The following KCND2 variants were observed in gnomAD, a reference collection of about 807,000 sequenced individuals.
The protein encoded by KCND2 is potassium voltage-gated channel subfamily D member 2.
In KCND2, 16 loss-of-function variants were observed where a neutral mutation model predicts 54.4. The observed-to-expected ratio is 0.29, with a 90% CI of 0.20 to 0.45. KCND2 has a LOEUF of 0.45. Ranked by LOEUF, KCND2 falls within the 20% of genes least tolerant of loss-of-function variation. The pLI is 1.00. For missense variants in KCND2, 486 were observed against 824.2 expected (o/e 0.59, Z 5.02); for synonymous variants, 317 against 310.7 (o/e 1.02, Z -0.21).
chr7:120,589,936 G>C, intron 1 of KCND2, among the ~76,000 whole-genome samples: 1 of 152,184 alleles, frequency 6.6e-6, no homozygotes, highest in Non-Finnish European at 1.5e-5. Flanking sequence ...CTTTCAGTCA[G>C]AAACAGAGCT....
At chr7:120,704,758 T>C (rs1192118741) in intron 1 of KCND2, among the ~76,000 whole-genome samples, 1 of 152,144 alleles carries the variant, frequency 6.6e-6, no homozygotes, top group African/African-American at 2.4e-5. Context: ...TGTTTTGCCT[T>C]TTATCATTGG....
chr7:120,394,568 G>T (rs1452870616), intron 1 of KCND2, among the ~76,000 whole-genome samples: 1 of 151,868 alleles, frequency 6.6e-6, no homozygotes, highest in Non-Finnish European at 1.5e-5. Flanking sequence ...CTAATCTTGT[G>T]GCCTTTCATT....
chr7:120,714,208 T>G (rs1792575175), intron 1 of KCND2, among the ~76,000 whole-genome samples: 2 of 152,282 alleles, frequency 1.3e-5, no homozygotes, highest in African/African-American at 2.4e-5. Flanking sequence ...CATCTTTTTA[T>G]GTGCTTCCAT....
chr7:120,701,644 AG>A (rs1347986736), intron 1 of KCND2, among the ~76,000 whole-genome samples: 1 of 152,134 alleles, frequency 6.6e-6, no homozygotes, highest in Non-Finnish European at 1.5e-5. Context: ...CCAGAAATAA[AG>A]CCACACACCT....
At chr7:120,320,698 T>A (rs149628148) in intron 1 of KCND2, among the ~76,000 whole-genome samples, 1 of 152,138 alleles carries the variant, frequency 6.6e-6, no homozygotes, top group African/African-American at 2.4e-5. Flanking sequence ...AGTGAAGATG[T>A]AGTAAAGAAG....
intron 1 of KCND2, among the ~76,000 whole-genome samples, chr7:120,350,356 A>G (rs1455531274): frequency 6.6e-6 from 1 of 152,144 alleles, no homozygotes; most frequent in African/African-American, 2.4e-5. Flanking sequence ...TAATTTTCCT[A>G]CATTTCTTAT....
In KCND2 at chr7:120,274,262, T is replaced by A. The variant is rs73429955; in HGVS notation, c.-371T>A. Reference sequence around the variant, plus strand: ...TATCCTACACTCCACATACTGACCCTATATTATCCAGACTGTGCCGGGGAG... The same window carrying A: ...TATCCTACACTCCACATACTGACCCAATATTATCCAGACTGTGCCGGGGAG... On this transcript the variant is annotated 5_prime_UTR_variant, in exon 1 of 6. Coordinates refer to ENST00000331113, the MANE Select transcript of KCND2 (RefSeq NM_012281.3). The A allele has an allele frequency of 1.1e-5, 4 of 368,272 alleles. No individual in the cohort carries two copies. The highest frequency in any genetic ancestry group is 6.2e-5 in the African/African-American group (3 of 48,258). The allele number at this position is 368,272 out of a possible 1,614,324, so 22.8% of individuals were successfully genotyped here. A position where few individuals can be genotyped will look rare whatever the true frequency, so the allele number is the denominator to read the frequency against.
At chr7:120,664,964 T>C (rs1440989221) in intron 1 of KCND2, among the ~76,000 whole-genome samples, 1 of 152,118 alleles carries the variant, frequency 6.6e-6, no homozygotes, top group Admixed American at 6.6e-5. Flanking sequence ...TTCAGAGATA[T>C]AGCATATTGT....
intron 1 of KCND2, among the ~76,000 whole-genome samples, chr7:120,563,561 T>C (rs992977178): frequency 2.6e-5 from 4 of 152,166 alleles, no homozygotes; most frequent in Non-Finnish European, 4.4e-5. Context: ...GAAATGGAAA[T>C]CAATATCTTC....
rs1246843096 is a variant in KCND2, at chr7:120,749,499, C to T, written c.*1641C>T. 1.3e-5 allele frequency: 2 copies of T among 152,332 alleles called. No homozygotes were observed. The highest frequency in any genetic ancestry group is 1.9e-4 in the East Asian group (1 of 5,182). The allele number at this position is 152,332 out of a possible 1,614,324, so 9.4% of individuals were successfully genotyped here. ...TAAGGAATAAAGCTTAGCTTCTGTA[C>T]ATGGAAAGAGCTAATAATTATCCCT... On this transcript the variant is annotated 3_prime_UTR_variant, in exon 6 of 6. Transcript: ENST00000331113.
intron 1 of KCND2, among the ~76,000 whole-genome samples, chr7:120,692,345 T>C (rs1792280106): frequency 1.3e-5 from 2 of 152,228 alleles, no homozygotes; most frequent in Non-Finnish European, 2.9e-5. Context: ...ACTGTGGTGC[T>C]TGGGGACCAG....
At position 120,480,788 on chromosome 7, in the gene KCND2, T is replaced by C. The variant is rs1434880867; in HGVS notation, c.1115+205041T>C. Among the ~76,000 whole-genome samples, 4 of 152,168 alleles carry C rather than the reference T, an allele frequency of 2.6e-5. No homozygotes were observed. In the East Asian group the frequency reaches 5.8e-4, roughly 22 times the overall value. On this transcript the variant is annotated intron_variant, in intron 1 of 5. Transcript: ENST00000331113. Reference sequence around the variant, plus strand: ...CTTCTGTTCTTTATAAGTTACCCAGTCTGTGATACTCTGTTATAGCAGCAG... The same window carrying C: ...CTTCTGTTCTTTATAAGTTACCCAGCCTGTGATACTCTGTTATAGCAGCAG...
At chr7:120,280,692 A>G (rs1799246774) in intron 1 of KCND2, among the ~76,000 whole-genome samples, 1 of 152,012 alleles carries the variant, frequency 6.6e-6, no homozygotes, top group Non-Finnish European at 1.5e-5. Flanking sequence ...AATTTTGTTC[A>G]TTTAAGAATT....
intron 1 of KCND2, among the ~76,000 whole-genome samples, chr7:120,671,881 T>C (rs1791997640): frequency 6.6e-6 from 1 of 152,154 alleles, no homozygotes. Context: ...CACACAGCAA[T>C]GAACTCATGA....
chr7:120,418,167 G>A (rs1801551772), intron 1 of KCND2, among the ~76,000 whole-genome samples: 1 of 152,116 alleles, frequency 6.6e-6, no homozygotes, highest in African/African-American at 2.4e-5. Flanking sequence ...TATTAAGAGA[G>A]TAGAAGCTTA....
At chr7:120,480,410 T>A (rs1368325743) in intron 1 of KCND2, among the ~76,000 whole-genome samples, 2 of 152,194 alleles carry the variant, frequency 1.3e-5, no homozygotes, top group African/African-American at 2.4e-5. Flanking sequence ...ACTTTAAGGT[T>A]TAAACTGATG....
intron 1 of KCND2, among the ~76,000 whole-genome samples, chr7:120,651,384 TGAG>T (rs1358236008): frequency 6.6e-5 from 10 of 152,054 alleles, no homozygotes; most frequent in African/African-American, 2.4e-4. Context: ...CAGCAATGAG[TGAG>T]GCTCCATGGG....
chr7:120,642,577 A>AATAT (rs200503692), intron 1 of KCND2, among the ~76,000 whole-genome samples: 2 of 148,464 alleles, frequency 1.3e-5, no homozygotes, highest in African/African-American at 2.5e-5. Flanking sequence ...AATAAAAAAA[A>AATAT]ATATATATAT....
At chr7:120,460,580 A>G (rs1052809002) in intron 1 of KCND2, among the ~76,000 whole-genome samples, 1 of 118,774 alleles carries the variant, frequency 8.4e-6, no homozygotes, top group Non-Finnish European at 1.7e-5. Context: ...TTTTTTTTAC[A>G]TTTTAAAATT....
Sources: gnomAD v4.1 joint callset for allele counts (sites outside exome capture counted in the v4.1 genomes callset) on GRCh38, gnomAD v4.1.1 for gene constraint, MANE v1.5 for transcripts, NCBI Gene and HGNC (gene_info 2026-07-23, HGNC 2026-07-21) for gene names.